Variants in SUN1 observed in about 807,000 individuals in gnomAD.
The protein encoded by SUN1 is SUN domain-containing protein 1.
A neutral mutation model predicts 103.2 loss-of-function variants in SUN1; 61 were observed. That is an observed-to-expected ratio of 0.59 (90% CI 0.48 to 0.73). SUN1 has a LOEUF of 0.73. Among genes scored for constraint, SUN1 ranks in the 30% least tolerant of loss-of-function variants. The probability of loss-of-function intolerance (pLI) is 0.00; values close to 1 mark genes in which losing one functional copy is unlikely to be tolerated. For missense variants in SUN1, 1,052 were observed against 1,034.6 expected, an observed-to-expected ratio of 1.02 and a Z score of -0.23; for synonymous variants, 490 against 425.7, an observed-to-expected ratio of 1.15 and a Z score of -1.86.
intron 1 of SUN1, among the ~76,000 whole-genome samples, chr7:824,091 A>G (rs1789028952): frequency 6.6e-6 from 1 of 152,212 alleles, no homozygotes. Flanking sequence ...TGGTGTGGCC[A>G]AAGTCACCTG....
intron 1 of SUN1, 127 bp from the exon 2 acceptor site, chr7:838,671 T>G (rs747506837): frequency 1.8e-4 from 172 of 969,060 alleles, no homozygotes; most frequent in Non-Finnish European, 2.5e-4. Flanking sequence ...AGAGTGAGGT[T>G]GTCACCCAGT....
intron 10 of SUN1, 58 bp downstream of exon 10, chr7:853,676 T>C: frequency 6.4e-7 from 1 of 1,557,036 alleles, no homozygotes; most frequent in Admixed American, 1.8e-5. Flanking sequence ...CTGGGTGCCA[T>C]GTTCTCTCCT....
upstream of SUN1, chr7:832,470 T>G (rs1242784779): frequency 6.4e-7 from 1 of 1,563,866 alleles, no homozygotes; most frequent in Non-Finnish European, 8.7e-7. Flanking sequence ...TCCTGCCCGT[T>G]AAAACACTCT....
chr7:853,028 C>A, intron 9 of SUN1, 76 bp downstream of exon 9: 1 of 1,511,712 alleles, frequency 6.6e-7, no homozygotes, highest in Non-Finnish European at 8.8e-7. Flanking sequence ...TGCTGTGAGC[C>A]AGGCACTTCA....
chr7:818,892 T>C (rs1783393872), intron 1 of SUN1, among the ~76,000 whole-genome samples: 1 of 151,618 alleles, frequency 6.6e-6, no homozygotes. Context: ...GAGACGGAGT[T>C]TCGCTCTGTC....
At chr7:859,301 CAGTG>C (rs1453650370) in intron 13 of SUN1, among the ~76,000 whole-genome samples, 1 of 152,214 alleles carries the variant, frequency 6.6e-6, no homozygotes, top group African/African-American at 2.4e-5. Context: ...CTGGCTGAGG[CAGTG>C]GGCTTTTCCC....
At chr7:821,150 C>T (rs1172711547) in intron 1 of SUN1, among the ~76,000 whole-genome samples, 1 of 140,924 alleles carries the variant, frequency 7.1e-6, no homozygotes, top group African/African-American at 2.6e-5. Context: ...CATCTATATT[C>T]AGCACATCTT....
chr7:858,690 A>G (rs888694732), intron 13 of SUN1, among the ~76,000 whole-genome samples: 3 of 152,228 alleles, frequency 2.0e-5, no homozygotes, highest in South Asian at 4.1e-4. Flanking sequence ...AGAGGAGAAA[A>G]TCTAGACATT....
At chr7:816,612 G>T (rs780224855), upstream of SUN1, 39 of 392,844 alleles carry the variant, frequency 9.9e-5, no homozygotes, top group South Asian at 2.9e-4. Context: ...GGCTGGCGTG[G>T]GCAGAGCGTC....
chr7:832,089 C>T (rs770491983), upstream of SUN1: 32 of 994,320 alleles, frequency 3.2e-5, no homozygotes, highest in Non-Finnish European at 3.8e-5. Context: ...GCTGCTTGAC[C>T]ACGCTGTAGC....
At chr7:817,263 A>C (rs1781557503) in intron 1 of SUN1, 1 of 686,120 alleles carries the variant, frequency 1.5e-6, no homozygotes. Context: ...CCCGGCTGAT[A>C]GTCGTATTTT....
At chr7:866,864 C>T (rs1394362504) in intron 16 of SUN1, among the ~76,000 whole-genome samples, 3 of 147,434 alleles carry the variant, frequency 2.0e-5, no homozygotes, top group South Asian at 2.2e-4. Flanking sequence ...TTTTCTGTGG[C>T]TTCATTTAAT....
chr7:865,727 C>T (rs1170921858), intron 15 of SUN1, among the ~76,000 whole-genome samples: 1 of 152,234 alleles, frequency 6.6e-6, no homozygotes, highest in African/African-American at 2.4e-5. Flanking sequence ...GGTTCCCTTT[C>T]TCCACATCCT....
chr7:825,412 A>C (rs1035854844), intron 1 of SUN1, among the ~76,000 whole-genome samples: 2 of 152,188 alleles, frequency 1.3e-5, no homozygotes, highest in Non-Finnish European at 2.9e-5. Flanking sequence ...CTTTAAAAAA[A>C]TTTTCAAACA....
intron 2 of SUN1, among the ~76,000 whole-genome samples, chr7:840,172 A>G (rs1201582621): frequency 6.6e-6 from 1 of 152,240 alleles, no homozygotes; most frequent in African/African-American, 2.4e-5. Flanking sequence ...GGATCTGAAC[A>G]GCCACTCCCA....
At chr7:850,031 C>A in intron 5 of SUN1, 1 of 1,584,152 alleles carries the variant, frequency 6.3e-7, no homozygotes, top group South Asian at 1.1e-5. Context: ...TGGGCATGTG[C>A]AGGTTGTCTC....
At chr7:868,195 T>C (rs9655206) in intron 16 of SUN1, among the ~76,000 whole-genome samples, 94,264 of 152,210 alleles carry the variant, frequency 0.62, 29,540 homozygotes, top group East Asian at 0.8. Context: ...GCAGGCTGCG[T>C]GCACGGTCTC....
At chr7:821,890 G>A (rs1201550733) in intron 1 of SUN1, among the ~76,000 whole-genome samples, 4 of 152,156 alleles carry the variant, frequency 2.6e-5, no homozygotes, top group Non-Finnish European at 2.9e-5. Context: ...CAGTGTCGTC[G>A]GCCTCACCTT....
upstream of SUN1, chr7:816,557 G>A (rs907333366): frequency 7.7e-5 from 30 of 391,516 alleles, 1 homozygote; most frequent in Admixed American, 1.2e-4. Flanking sequence ...GACTGGTGAA[G>A]GCCTGCGTTG....
Sources: gnomAD v4.1 joint callset for allele counts (sites outside exome capture counted in the v4.1 genomes callset) on GRCh38, gnomAD v4.1.1 for gene constraint, MANE v1.5 for transcripts, NCBI Gene and HGNC (gene_info 2026-07-23, HGNC 2026-07-21) for gene names.